The following VNN1 variants were observed in gnomAD, a reference collection of about 807,000 sequenced individuals.
VNN1 encodes pantetheinase.
A neutral mutation model predicts 41.9 loss-of-function variants in VNN1; 29 were observed. That is an observed-to-expected ratio of 0.69 (90% CI 0.52 to 0.94). VNN1 has a LOEUF of 0.94. Among genes scored for constraint, VNN1 ranks in the 40% least tolerant of loss-of-function variants. VNN1 has a pLI of 0.00. For missense variants in VNN1, 637 were observed against 621.1 expected, an observed-to-expected ratio of 1.03 and a Z score of -0.27; for synonymous variants, 233 against 224.4, an observed-to-expected ratio of 1.04 and a Z score of -0.34.
In VNN1 at chr6:132,693,100, G is replaced by A; in HGVS notation, c.750C>T (p.Phe250=). 6.2e-7 allele frequency: 1 copy of A among 1,614,046 alleles called. No individual in the cohort carries two copies. Among genetic ancestry groups the A allele is most frequent in the Non-Finnish European group, 8.5e-7 (1 of 1,180,006 alleles). Residue 250 remains phenylalanine (F), a synonymous_variant, in exon 4 of 7, where the codon TTC becomes TTT. Transcript: ENST00000367928. ...NVLPHLSAVE[F]HSAWAMGMRV... is the part of the protein sequence containing the mutation. Reference sequence around the variant, plus strand: ...TCATGCCCATAGCCCAAGCTGAGTGGAATTCAACAGCTGACAAATGTGGCA... The same window carrying A: ...TCATGCCCATAGCCCAAGCTGAGTGAAATTCAACAGCTGACAAATGTGGCA...
intron 5 of VNN1, among the ~76,000 whole-genome samples, chr6:132,685,921 C>A (rs930072915): frequency 1.3e-5 from 2 of 152,144 alleles, no homozygotes; most frequent in Non-Finnish European, 2.9e-5. Context: ...ATAAATAACA[C>A]TGAATGTTGA....
In VNN1 at chr6:132,692,505, C is replaced by A. The variant is rs139355374; in HGVS notation, c.906G>T (p.Ser302=). The stretch of plus-strand genomic sequence containing the variant: ...AATGGGATGGGTGGGAATCCAGTTG[C>A]GAGAGGAGGAGTTTTCCCTCTTCTG... The part of the protein sequence containing the change: ...MKTEEGKLLL[S]QLDSHPSHSA... Residue 302 remains serine (S), a synonymous_variant, in exon 5 of 7, where the codon TCG becomes TCT. Coordinates refer to ENST00000367928, the MANE Select transcript of VNN1 (RefSeq NM_004666.3). 36 of 1,613,048 alleles carry A rather than the reference C, an allele frequency of 2.2e-5. No individual in the cohort carries two copies. In the East Asian group the frequency reaches 3.1e-4, roughly 14 times the overall value.
At chr6:132,706,152 G>GA (rs569050279) in intron 2 of VNN1, among the ~76,000 whole-genome samples, 5 of 151,270 alleles carry the variant, frequency 3.3e-5, no homozygotes, top group South Asian at 2.1e-4. Context: ...CACAGACATA[G>GA]AAAAAAAAAT....
intron 1 of VNN1, among the ~76,000 whole-genome samples, chr6:132,712,500 G>C (rs1401827202): frequency 6.6e-6 from 1 of 152,158 alleles, no homozygotes; most frequent in Non-Finnish European, 1.5e-5. Context: ...TCCTATGGCA[G>C]TCGTTAACTA....
chr6:132,704,393 T>C (rs1037548858), intron 2 of VNN1, among the ~76,000 whole-genome samples: 1 of 152,046 alleles, frequency 6.6e-6, no homozygotes, highest in African/African-American at 2.4e-5. Context: ...GTACTAGAAA[T>C]CAATAGCAAA....
intron 2 of VNN1, among the ~76,000 whole-genome samples, chr6:132,696,869 T>C (rs9389027): frequency 0.43 from 65,659 of 151,650 alleles, 15,343 homozygotes; most frequent in African/African-American, 0.6. Flanking sequence ...TTTGCAAGAC[T>C]GAGGCCAGTG....
chr6:132,682,929 G>GA lies in VNN1; in HGVS notation c.*210dup, dbSNP rs1778148140. The GA allele has an allele frequency of 5.7e-6, 2 of 350,774 alleles. No homozygotes were observed. The highest frequency in any genetic ancestry group is 9.9e-6 in the Non-Finnish European group (2 of 201,792). 21.7% of individuals were successfully genotyped at this position (350,774 alleles called of 1,614,324 possible). ...ATATAATTAGCTCACGTCCAAGAAA[G>GA]ACCAATGTTCAAATATAGTTTTTTA... On this transcript the variant is annotated 3_prime_UTR_variant, in exon 7 of 7. Coordinates refer to ENST00000367928, the MANE Select transcript of VNN1 (RefSeq NM_004666.3).
At chr6:132,695,032 A>G (rs1778349642) in intron 2 of VNN1, among the ~76,000 whole-genome samples, 1 of 152,062 alleles carries the variant, frequency 6.6e-6, no homozygotes, top group African/African-American at 2.4e-5. Context: ...TGCGCCTATA[A>G]TCCCAGCTAC....
intron 6 of VNN1, 136 bp from the exon 7 acceptor site, chr6:132,683,458 G>T: frequency 1.1e-6 from 1 of 942,832 alleles, no homozygotes; most frequent in Non-Finnish European, 1.6e-6. Context: ...AATTTGAAAT[G>T]TTGCCAAGTA....
At chr6:132,701,841 T>G (rs1778453015) in intron 2 of VNN1, among the ~76,000 whole-genome samples, 1 of 152,198 alleles carries the variant, frequency 6.6e-6, no homozygotes, top group South Asian at 2.1e-4. Context: ...ATTTGTGCCC[T>G]TGGGGGAAGG....
At chr6:132,694,978 C>T (rs1451654829) in intron 2 of VNN1, among the ~76,000 whole-genome samples, 1 of 152,100 alleles carries the variant, frequency 6.6e-6, no homozygotes, top group Non-Finnish European at 1.5e-5. Flanking sequence ...CATGAAGAAA[C>T]CCCGTCTCTA....
At chr6:132,709,802 G>A (rs986880816) in intron 2 of VNN1, among the ~76,000 whole-genome samples, 23 of 152,130 alleles carry the variant, frequency 1.5e-4, no homozygotes, top group Admixed American at 1.4e-3. Flanking sequence ...TGTTCAGGAG[G>A]CCCTTGGAGA....
chr6:132,689,708 C>T (rs1320126094), intron 5 of VNN1, among the ~76,000 whole-genome samples: 1 of 152,160 alleles, frequency 6.6e-6, no homozygotes, highest in African/African-American at 2.4e-5. Context: ...TCTCCTTTGT[C>T]GTATCATTCA....
At chr6:132,695,202 T>C (rs1476642945) in intron 2 of VNN1, among the ~76,000 whole-genome samples, 2 of 152,152 alleles carry the variant, frequency 1.3e-5, no homozygotes, top group African/African-American at 4.8e-5. Context: ...GGTAGAGGGA[T>C]GCTGGGAAGA....
chr6:132,701,451 G>A (rs1428100560), intron 2 of VNN1, among the ~76,000 whole-genome samples: 1 of 152,134 alleles, frequency 6.6e-6, no homozygotes, highest in Non-Finnish European at 1.5e-5. Flanking sequence ...CCTATGGAAT[G>A]GGGAAAAGCT....
intron 5 of VNN1, among the ~76,000 whole-genome samples, chr6:132,689,474 ACTCAAAAATG>A (rs1490505168): frequency 5.9e-5 from 9 of 152,278 alleles, no homozygotes; most frequent in African/African-American, 2.2e-4. Flanking sequence ...CCAAAATTAT[ACTCAAAAATG>A]CTAATAATGG....
chr6:132,684,568 G>A lies in VNN1; in HGVS notation c.1189-63C>T, dbSNP rs560508291. 1.0e-5 allele frequency: 16 copies of A among 1,566,662 alleles called. No individual in the cohort carries two copies. The African/African-American group carries it at 1.9e-4, about 19-fold the overall frequency. On this transcript the variant is annotated intron_variant, in intron 5 of 6. Coordinates refer to ENST00000367928, the MANE Select transcript of VNN1 (RefSeq NM_004666.3). ...TCATGTGGGATATGTGAATTTGCTTGATTTAATCATTTCACGGTGTGTACA... is the reference window on the plus strand; with the variant it reads ...TCATGTGGGATATGTGAATTTGCTTAATTTAATCATTTCACGGTGTGTACA...
At chr6:132,683,406 T>G (rs1778157228) in intron 6 of VNN1, 84 bp from the exon 7 acceptor site, 3 of 1,381,828 alleles carry the variant, frequency 2.2e-6, no homozygotes, top group Non-Finnish European at 2.9e-6. Flanking sequence ...TATAACAGAA[T>G]GAAGAAACAA....
At chr6:132,697,003 G>T (rs1213265334) in intron 2 of VNN1, among the ~76,000 whole-genome samples, 1 of 152,170 alleles carries the variant, frequency 6.6e-6, no homozygotes, top group African/African-American at 2.4e-5. Context: ...TACTCAGGAG[G>T]CTGAGGCAGC....
Sources: allele counts gnomAD v4.1 joint callset (sites outside exome capture counted in the v4.1 genomes callset), GRCh38; gene constraint gnomAD v4.1.1; transcripts MANE v1.5; gene names NCBI Gene and HGNC (gene_info 2026-07-23, HGNC 2026-07-21).